Variants in EPB41L4A observed in about 807,000 individuals in gnomAD.
EPB41L4A encodes erythrocyte membrane protein band 4.1 like 4A.
In EPB41L4A, 100 loss-of-function variants were observed where a neutral mutation model predicts 108.6. The observed-to-expected ratio is 0.92, with a 90% confidence interval of 0.78 to 1.09. The LOEUF (loss-of-function observed/expected upper bound fraction) is 1.09. Among genes scored for constraint, EPB41L4A ranks in the 50% least tolerant of loss-of-function variants. EPB41L4A has a pLI of 0.00. For synonymous variants in EPB41L4A, 319 were observed against 289.0 expected, an observed-to-expected ratio of 1.10 and a Z score of -1.05; for missense variants, 1,030 against 842.7, an observed-to-expected ratio of 1.22 and a Z score of -2.75.
chr5:112,265,579 T>C lies in EPB41L4A; in HGVS notation c.434-563A>G, dbSNP rs563958514. 3.2e-4 allele frequency among the ~76,000 whole-genome samples: 49 copies of C among 152,350 alleles called. 1 individual carries two copies. The South Asian group carries it at 9.1e-3, about 28-fold the overall frequency. The stretch of plus-strand genomic sequence containing the variant: ...ATCTACCTTGCAAGCCCCAACCCAC[T>C]TCATCTATGACATTTTTCCTAGCAT... On this transcript the variant is annotated intron_variant, in intron 5 of 22. Coordinates refer to ENST00000261486, the MANE Select transcript of EPB41L4A (RefSeq NM_022140.5).
chr5:112,332,304 A>C (rs529585693), intron 1 of EPB41L4A, among the ~76,000 whole-genome samples: 3 of 152,206 alleles, frequency 2.0e-5, no homozygotes, highest in Non-Finnish European at 2.9e-5. Flanking sequence ...TGAAACATAC[A>C]CCCTTAGGTG....
chr5:112,377,113 G>A (rs1476965577), intron 1 of EPB41L4A, among the ~76,000 whole-genome samples: 1 of 151,312 alleles, frequency 6.6e-6, no homozygotes, highest in Non-Finnish European at 1.5e-5. Context: ...GCTGAGATGA[G>A]AAGATCACTC....
At chr5:112,355,591 A>G (rs769396599) in intron 1 of EPB41L4A, among the ~76,000 whole-genome samples, 2 of 152,124 alleles carry the variant, frequency 1.3e-5, no homozygotes, top group Admixed American at 6.5e-5. Context: ...TGAGACCACT[A>G]AGAATGTGGA....
intron 12 of EPB41L4A, among the ~76,000 whole-genome samples, chr5:112,210,589 C>A (rs966918736): frequency 6.6e-6 from 1 of 152,010 alleles, no homozygotes; most frequent in Non-Finnish European, 1.5e-5. Context: ...TGCATACACG[C>A]TAGAGGAACC....
intron 9 of EPB41L4A, chr5:112,256,828 A>G (rs568871149): frequency 1.3e-5 from 2 of 152,336 alleles, no homozygotes; most frequent in African/African-American, 4.8e-5. Context: ...TCTGAGTTTT[A>G]GGATAATGAA....
chr5:112,180,006 TTTGTTCTTCTATATACTAAAAAA>T (rs1761064581), intron 18 of EPB41L4A, among the ~76,000 whole-genome samples: 1 of 152,188 alleles, frequency 6.6e-6, no homozygotes, highest in Non-Finnish European at 1.5e-5. Flanking sequence ...TTAAAAATCC[TTTGTTCTTCTATATACTAAAAAA>T]CAACTGAAAA....
intron 1 of EPB41L4A, among the ~76,000 whole-genome samples, chr5:112,329,112 G>C (rs1374205486): frequency 6.6e-6 from 1 of 152,046 alleles, no homozygotes; most frequent in African/African-American, 2.4e-5. Context: ...AAATGCAGCT[G>C]GTCCAAATTG....
rs1762918987 is a variant in EPB41L4A, at chr5:112,419,207, G to A, written c.-168C>T. 4 of 506,934 alleles carry A rather than the reference G, an allele frequency of 7.9e-6. No homozygotes were observed. The highest frequency in any genetic ancestry group is 1.4e-5 in the Non-Finnish European group (4 of 287,104). The allele number at this position is 506,934 out of a possible 1,614,324, so 31.4% of individuals were successfully genotyped here. On this transcript the variant is annotated 5_prime_UTR_variant, in exon 1 of 23. Transcript: ENST00000261486. ...CGGCCGCCGAACCGCCCGGCGGGGCGGGAGCGAGAAAGGCGGAAAAGCCCG... is the reference window on the plus strand; with the variant it reads ...CGGCCGCCGAACCGCCCGGCGGGGCAGGAGCGAGAAAGGCGGAAAAGCCCG...
chr5:112,272,896 T>C (rs1268603351), intron 4 of EPB41L4A, among the ~76,000 whole-genome samples: 1 of 151,912 alleles, frequency 6.6e-6, no homozygotes, highest in Admixed American at 6.6e-5. Flanking sequence ...ACGTTTATGA[T>C]AGCATGATCA....
Position 112,419,022 on chromosome 5 carries a change from A to G in EPB41L4A, c.18T>C (p.Ala6=). The G allele has an allele frequency of 3.1e-6, 5 of 1,613,560 alleles. No homozygotes were observed. The highest frequency in any genetic ancestry group is 4.2e-6 in the Non-Finnish European group (5 of 1,179,638). ...CTTCGCAGTAAAATTCTTCCGGAAC[A>G]GCGCAGAAACAGCCCATGTCGGTTG... MGCFC[A]VPEEFYCEVL... Residue 6 remains alanine, a synonymous_variant, in exon 1 of 23, where the codon GCT becomes GCC. Transcript: ENST00000261486.
chr5:112,149,807 G>C (rs1173578470), intron 12 of EPB41L4A, among the ~76,000 whole-genome samples: 1 of 152,128 alleles, frequency 6.6e-6, no homozygotes, highest in Admixed American at 6.5e-5. Flanking sequence ...AAAATAACAG[G>C]AATCCAAAGC....
intron 12 of EPB41L4A, among the ~76,000 whole-genome samples, chr5:112,149,645 C>G (rs1320196270): frequency 6.6e-6 from 1 of 152,142 alleles, no homozygotes; most frequent in Non-Finnish European, 1.5e-5. Context: ...TCAAAAGGTG[C>G]TTTGTGCCTG....
At chr5:112,274,354 T>C (rs1266273936) in intron 4 of EPB41L4A, among the ~76,000 whole-genome samples, 1 of 152,062 alleles carries the variant, frequency 6.6e-6, no homozygotes, top group African/African-American at 2.4e-5. Context: ...GTTCAAAAGA[T>C]TATATCTTAA....
chr5:112,203,006 C>T (rs1350470317), intron 15 of EPB41L4A, among the ~76,000 whole-genome samples: 1 of 151,754 alleles, frequency 6.6e-6, no homozygotes, highest in African/African-American at 2.4e-5. Context: ...AATTCAAGAC[C>T]AGCCTGGGCA....
At chr5:112,416,884 C>T (rs1334693351) in intron 1 of EPB41L4A, among the ~76,000 whole-genome samples, 1 of 152,140 alleles carries the variant, frequency 6.6e-6, no homozygotes. Context: ...TAATTTAGTA[C>T]ACGCCAAGGG....
At chr5:112,409,098 T>C (rs1481287034) in intron 1 of EPB41L4A, among the ~76,000 whole-genome samples, 1 of 152,128 alleles carries the variant, frequency 6.6e-6, no homozygotes, top group Non-Finnish European at 1.5e-5. Context: ...CATCGACTGA[T>C]GAAAGAATAA....
downstream of EPB41L4A, among the ~76,000 whole-genome samples, chr5:112,159,071 C>T (rs1304995658): frequency 6.6e-6 from 1 of 152,146 alleles, no homozygotes; most frequent in Non-Finnish European, 1.5e-5. Flanking sequence ...AATAATTATA[C>T]ATTTACTAAT....
intron 1 of EPB41L4A, among the ~76,000 whole-genome samples, chr5:112,345,355 A>T (rs1757571261): frequency 6.6e-6 from 1 of 152,354 alleles, no homozygotes; most frequent in East Asian, 1.9e-4. Context: ...TATGGATAAT[A>T]GATATACAGT....
chr5:112,405,443 A>G (rs1442650472), intron 1 of EPB41L4A, among the ~76,000 whole-genome samples: 2 of 152,232 alleles, frequency 1.3e-5, no homozygotes, highest in African/African-American at 4.8e-5. Flanking sequence ...AGTTTTGTCC[A>G]TAATTTGCCA....
Sources: gnomAD v4.1 joint callset for allele counts (sites outside exome capture counted in the v4.1 genomes callset) on GRCh38, gnomAD v4.1.1 for gene constraint, MANE v1.5 for transcripts, NCBI Gene and HGNC (gene_info 2026-07-23, HGNC 2026-07-21) for gene names.